The following SNX13 variants were observed in gnomAD, a reference collection of about 807,000 sequenced individuals.
The protein encoded by SNX13 is sorting nexin-13.
Under a neutral mutation model 133.6 loss-of-function variants are expected in SNX13, and 45 were observed. The observed-to-expected ratio is 0.34, with a 90% CI of 0.27 to 0.43. The LOEUF (loss-of-function observed/expected upper bound fraction) is 0.43. Ranked by LOEUF, SNX13 falls within the 20% of genes least tolerant of loss-of-function variation. The pLI is 1.00. For missense variants in SNX13, 1,032 were observed against 1,145.1 expected, an observed-to-expected ratio of 0.90 and a Z score of 1.43; for synonymous variants, 414 against 373.9, an observed-to-expected ratio of 1.11 and a Z score of -1.24.
At chr7:17,855,054 A>G (rs949203564) in intron 9 of SNX13, among the ~76,000 whole-genome samples, 1 of 152,230 alleles carries the variant, frequency 6.6e-6, no homozygotes, top group African/African-American at 2.4e-5. Flanking sequence ...ATAAATGTGA[A>G]GAACACTTAT....
chr7:17,820,208 A>G (rs565043480), intron 18 of SNX13, among the ~76,000 whole-genome samples: 1 of 152,332 alleles, frequency 6.6e-6, no homozygotes. Flanking sequence ...AAAATTTCAT[A>G]TTAAACTAAA....
In SNX13 at chr7:17,875,752, C is replaced by T; in HGVS notation, c.479G>A (p.Arg160His). 3.1e-6 allele frequency: 5 copies of T among 1,609,536 alleles called. No homozygotes were observed. The highest frequency in any genetic ancestry group is 2.2e-5 in the South Asian group (2 of 90,374). ...GTGTGTGCCAAAGTCATCTACAATG[C>T]GTGTAGTAAAATAAGGTTGCCAGTC... ...EIDWQPYFTTRIVDDFGTHLR... is the reference protein window; with the variant it reads ...EIDWQPYFTTHIVDDFGTHLR... The change falls in exon 6 of 26, where the codon CGC (arginine) becomes CAC (histidine). Residue 160 changes from arginine to histidine, a missense_variant. Arg to His is a conservative substitution (Grantham distance 29). Coordinates refer to ENST00000428135, the MANE Select transcript of SNX13 (RefSeq NM_015132.5).
At chr7:17,893,507 T>G (rs1001651228) in intron 2 of SNX13, 73 bp from the exon 3 acceptor site, 5 of 969,234 alleles carry the variant, frequency 5.2e-6, no homozygotes, top group Non-Finnish European at 7.8e-6. Flanking sequence ...CTACCAAGTA[T>G]ATTTTCCAGA....
intron 20 of SNX13, among the ~76,000 whole-genome samples, 181 bp from the exon 21 acceptor site, chr7:17,803,761 T>C (rs1784886844): frequency 6.6e-6 from 1 of 151,874 alleles, no homozygotes; most frequent in South Asian, 2.1e-4. Context: ...AAAACGTATT[T>C]TCAGCTGGGC....
chr7:17,871,958 T>C (rs1412093137), intron 8 of SNX13, among the ~76,000 whole-genome samples: 2 of 152,096 alleles, frequency 1.3e-5, no homozygotes, highest in African/African-American at 4.8e-5. Flanking sequence ...CTTACTAGGA[T>C]GGAGAGAAGA....
At chr7:17,865,031 A>G (rs1793210656) in intron 9 of SNX13, among the ~76,000 whole-genome samples, 1 of 152,248 alleles carries the variant, frequency 6.6e-6, no homozygotes, top group Non-Finnish European at 1.5e-5. Flanking sequence ...AAGGAGAAAT[A>G]AAGTCTTGGC....
intron 1 of SNX13, among the ~76,000 whole-genome samples, chr7:17,912,869 T>C (rs751380250): frequency 9.9e-5 from 15 of 152,016 alleles, no homozygotes; most frequent in Non-Finnish European, 1.6e-4. Flanking sequence ...GAGTGGCGAG[T>C]GTGGAAAGCA....
chr7:17,831,156 A>G, intron 15 of SNX13: 1 of 984,412 alleles, frequency 1.0e-6, no homozygotes, highest in Non-Finnish European at 1.2e-6. Context: ...AAAATAGGGC[A>G]TAGTTTATTT....
chr7:17,914,933 TTG>T (rs1799378691), intron 1 of SNX13, among the ~76,000 whole-genome samples: 1 of 152,142 alleles, frequency 6.6e-6, no homozygotes, highest in Non-Finnish European at 1.5e-5. Flanking sequence ...AGAATGGCAA[TTG>T]GGCAAACAAA....
At chr7:17,824,567 T>C (rs1205264073) in intron 17 of SNX13, among the ~76,000 whole-genome samples, 2 of 152,000 alleles carry the variant, frequency 1.3e-5, no homozygotes, top group African/African-American at 2.4e-5. Flanking sequence ...GGTAAGGAAA[T>C]TGAGGTACAA....
chr7:17,928,570 C>G (rs1801024705), intron 1 of SNX13, among the ~76,000 whole-genome samples: 1 of 152,026 alleles, frequency 6.6e-6, no homozygotes, highest in South Asian at 2.1e-4. Context: ...GGGCAAAATT[C>G]TGCACATAAT....
In SNX13 at chr7:17,875,521, ACCT is replaced by A. The variant is rs1794626265; in HGVS notation, c.620_622del (p.Glu207del). ...GGAAGTGCACACTAGATCACGGCAA[ACCT>A]CCTTCTCCATTTCAACTTCAACTTC... On this transcript the variant is annotated inframe_deletion, in exon 7 of 26. Transcript: ENST00000428135. 1 of 1,610,286 alleles carries A rather than the reference ACCT, an allele frequency of 6.2e-7. No individual in the cohort carries two copies. Among genetic ancestry groups the A allele is most frequent in the Non-Finnish European group, 8.5e-7 (1 of 1,179,260 alleles).
intron 12 of SNX13, among the ~76,000 whole-genome samples, chr7:17,841,081 TG>T (rs1789813958): frequency 6.6e-6 from 1 of 152,048 alleles, no homozygotes. Context: ...AAAAACAACT[TG>T]TCCTTCAAAT....
At chr7:17,845,901 C>T (rs894409249) in intron 11 of SNX13, among the ~76,000 whole-genome samples, 3 of 151,988 alleles carry the variant, frequency 2.0e-5, no homozygotes, top group Non-Finnish European at 4.4e-5. Flanking sequence ...AATATTAACA[C>T]ATTAAAAATA....
rs763633169 is a variant in SNX13, at chr7:17,814,926, T to C, written c.1972A>G (p.Met658Val). ...GCTAAAGCGGGGGATGCCTTCATCA[T>C]TTCAGGAGCTAACAGTAACTAACAA... is the stretch of plus-strand genomic sequence containing the variant. ...AYLQLLLAPE[M>V]MKASPALAHY... The change falls in exon 20 of 26, where the codon ATG becomes GTG. Residue 658 changes from methionine to valine, a missense_variant. Coordinates refer to ENST00000428135, the MANE Select transcript of SNX13 (RefSeq NM_015132.5). 2.0e-6 allele frequency: 3 copies of C among 1,491,930 alleles called. No homozygotes were observed. The highest frequency in any genetic ancestry group is 1.5e-5 in the African/African-American group (1 of 66,578). 92.4% of individuals were successfully genotyped at this position (1,491,930 alleles called of 1,614,324 possible).
rs1258584180 is a variant in SNX13 at position 17,857,576 on chromosome 7, G to T, written c.838-6612C>A. Among the ~76,000 whole-genome samples the T allele has an allele frequency of 2.6e-5, 4 of 152,110 alleles. No individual in the cohort carries two copies. The East Asian group carries it at 7.7e-4, about 29-fold the overall frequency. On this transcript the variant is annotated intron_variant, in intron 9 of 25. Coordinates refer to ENST00000428135, the MANE Select transcript of SNX13 (RefSeq NM_015132.5). The stretch of plus-strand genomic sequence containing the variant: ...GAGGTGGCGGATCACCAGAGGTCAG[G>T]AGTTCAAGACCAGCCTGGCCAACAT...
chr7:17,819,892 AACACAC>A (rs61318514), intron 18 of SNX13, among the ~76,000 whole-genome samples: 9 of 150,138 alleles, frequency 6.0e-5, no homozygotes, highest in East Asian at 2.0e-4. Flanking sequence ...CTTTATAAGA[AACACAC>A]ACACACACAC....
chr7:17,841,020 C>T (rs1789806076), intron 12 of SNX13, among the ~76,000 whole-genome samples: 1 of 152,072 alleles, frequency 6.6e-6, no homozygotes, highest in Non-Finnish European at 1.5e-5. Flanking sequence ...AGTAGCTGTG[C>T]ATGCACTCCA....
At chr7:17,869,054 C>A (rs1174219111) in intron 8 of SNX13, among the ~76,000 whole-genome samples, 1 of 152,034 alleles carries the variant, frequency 6.6e-6, no homozygotes, top group Non-Finnish European at 1.5e-5. Context: ...TCTCTAAAAT[C>A]TACCTTCCCA....
Sources: allele counts gnomAD v4.1 joint callset (sites outside exome capture counted in the v4.1 genomes callset), GRCh38; gene constraint gnomAD v4.1.1; transcripts MANE v1.5; gene names NCBI Gene and HGNC (gene_info 2026-07-23, HGNC 2026-07-21).